The following CMSS1 variants were observed in gnomAD, a reference collection of about 807,000 sequenced individuals.
CMSS1 encodes cms1 ribosomal small subunit homolog.
A neutral mutation model predicts 43.5 loss-of-function variants in CMSS1; 33 were observed. The ratio of observed to expected loss-of-function variants is 0.76; its 90% CI spans 0.57 to 1.01. The LOEUF is 1.01. CMSS1 is among the 50% of genes least tolerant of loss of function. The pLI is 0.00. For synonymous variants in CMSS1, 115 were observed against 117.2 expected (o/e 0.98, Z 0.12); for missense variants, 313 against 326.4 (o/e 0.96, Z 0.32).
At chr3:99,924,530 T>C (rs1411105886) in intron 1 of CMSS1, 2 of 1,043,500 alleles carry the variant, frequency 1.9e-6, no homozygotes, top group Admixed American at 2.3e-5. Context: ...TTTTGTTTGT[T>C]TGTTTTGAAA....
intron 1 of CMSS1, among the ~76,000 whole-genome samples, chr3:99,912,099 G>A (rs1411032702): frequency 6.6e-6 from 1 of 152,032 alleles, no homozygotes; most frequent in South Asian, 2.1e-4. Flanking sequence ...TATCTATCTT[G>A]TTGGTCATTT....
chr3:99,866,419 A>G (rs192952002), intron 1 of CMSS1, among the ~76,000 whole-genome samples: 51 of 150,002 alleles, frequency 3.4e-4, no homozygotes, highest in African/African-American at 1.3e-3. Context: ...TAGAAACCAC[A>G]ACAACAGATG....
chr3:100,078,998 G>A (rs1576029742), intron 1 of CMSS1, among the ~76,000 whole-genome samples: 1 of 152,186 alleles, frequency 6.6e-6, no homozygotes, highest in Non-Finnish European at 1.5e-5. Context: ...TGTGGCCCAC[G>A]TTGGACAAGC....
intron 1 of CMSS1, among the ~76,000 whole-genome samples, chr3:99,952,348 C>G (rs1225319246): frequency 6.6e-6 from 1 of 152,128 alleles, no homozygotes; most frequent in Non-Finnish European, 1.5e-5. Context: ...CTATACAATT[C>G]AAACATTTTC....
Position 99,824,595 on chromosome 3 carries a change from G to C in CMSS1, c.64+6552G>C, listed in dbSNP as rs182449383. 2.0e-5 allele frequency among the ~76,000 whole-genome samples: 3 copies of C among 152,286 alleles called. No homozygotes were observed. In the East Asian group the frequency reaches 5.8e-4, roughly 29 times the overall value. ...GTCACACCTTGAAGACCTCAACCTA[G>C]GAGATCTTTATCAAAAGAACCTTGA... On this transcript the variant is annotated intron_variant, in intron 1 of 9. Coordinates refer to ENST00000421999, the MANE Select transcript of CMSS1 (RefSeq NM_032359.4).
intron 1 of CMSS1, among the ~76,000 whole-genome samples, chr3:100,014,273 G>A (rs1019435839): frequency 6.6e-6 from 1 of 151,714 alleles, no homozygotes; most frequent in African/African-American, 2.4e-5. Context: ...TCCACATCTT[G>A]ACTGTTATGA....
intron 1 of CMSS1, among the ~76,000 whole-genome samples, chr3:99,896,261 A>G (rs1200290145): frequency 6.6e-6 from 1 of 152,226 alleles, no homozygotes; most frequent in African/African-American, 2.4e-5. Flanking sequence ...GAAACAGTGA[A>G]TGGAAACTAT....
intron 1 of CMSS1, among the ~76,000 whole-genome samples, chr3:100,015,132 C>T (rs1359239358): frequency 1.3e-5 from 2 of 151,610 alleles, no homozygotes; most frequent in Non-Finnish European, 2.9e-5. Context: ...TTTCCCTGCA[C>T]CATTTGTTAA....
chr3:100,033,385 G>A (rs370399116), intron 1 of CMSS1, among the ~76,000 whole-genome samples: 1 of 152,188 alleles, frequency 6.6e-6, no homozygotes, highest in Non-Finnish European at 1.5e-5. Flanking sequence ...AGCTCTGGAA[G>A]GCTTCCATCA....
intron 1 of CMSS1, among the ~76,000 whole-genome samples, chr3:99,881,104 C>A (rs1705711361): frequency 6.6e-6 from 1 of 152,102 alleles, no homozygotes; most frequent in South Asian, 2.1e-4. Flanking sequence ...AATAAGGAAT[C>A]ATCTGTTGGT....
At chr3:99,864,512 C>T (rs1297203577) in intron 1 of CMSS1, among the ~76,000 whole-genome samples, 1 of 152,164 alleles carries the variant, frequency 6.6e-6, no homozygotes, top group Non-Finnish European at 1.5e-5. Flanking sequence ...AATTCACTGG[C>T]TGCGAAGTCT....
chr3:99,995,172 T>C (rs1709640083), intron 1 of CMSS1, among the ~76,000 whole-genome samples: 1 of 152,202 alleles, frequency 6.6e-6, no homozygotes, highest in Non-Finnish European at 1.5e-5. Context: ...ACTTCCTAGA[T>C]ACAATGTGGG....
At chr3:99,948,380 GA>G (rs1034708807) in intron 1 of CMSS1, among the ~76,000 whole-genome samples, 5 of 151,278 alleles carry the variant, frequency 3.3e-5, no homozygotes, top group Non-Finnish European at 5.9e-5. Context: ...AAATAAGAAA[GA>G]AAAAAAATTA....
chr3:100,155,593 C>T (rs992910633), intron 2 of CMSS1, among the ~76,000 whole-genome samples: 1 of 152,132 alleles, frequency 6.6e-6, no homozygotes, highest in African/African-American at 2.4e-5. Context: ...CCTTCAGCAC[C>T]CTCCTGGGCT....
At chr3:99,962,434 ATTATC>A (rs1293209746) in intron 1 of CMSS1, among the ~76,000 whole-genome samples, 11 of 152,124 alleles carry the variant, frequency 7.2e-5, no homozygotes, top group Admixed American at 2.6e-4. Flanking sequence ...TATTTTGTAT[ATTATC>A]TTTTGTTGTT....
intron 1 of CMSS1, chr3:99,930,098 G>A: frequency 1.5e-6 from 2 of 1,312,940 alleles, no homozygotes; most frequent in South Asian, 3.0e-5. Flanking sequence ...TGATTTTTGT[G>A]ATAGTTGGCA....
At chr3:99,825,167 A>G (rs1255103495) in intron 1 of CMSS1, among the ~76,000 whole-genome samples, 15 of 152,230 alleles carry the variant, frequency 9.9e-5, no homozygotes, top group Non-Finnish European at 5.9e-5. Flanking sequence ...GGAGATGTTA[A>G]TAACACACAA....
chr3:99,924,682 C>T (rs1707234977), intron 1 of CMSS1, among the ~76,000 whole-genome samples: 1 of 152,148 alleles, frequency 6.6e-6, no homozygotes, highest in South Asian at 2.1e-4. Context: ...CCATGCCCAA[C>T]TAATTTTTTT....
intron 1 of CMSS1, among the ~76,000 whole-genome samples, chr3:100,000,149 G>A (rs1223806009): frequency 6.6e-6 from 1 of 152,094 alleles, no homozygotes; most frequent in Non-Finnish European, 1.5e-5. Context: ...TTTACAATTA[G>A]CCTGGAATTT....
Sources: allele counts gnomAD v4.1 joint callset (sites outside exome capture counted in the v4.1 genomes callset), GRCh38; gene constraint gnomAD v4.1.1; transcripts MANE v1.5; gene names NCBI Gene and HGNC (gene_info 2026-07-23, HGNC 2026-07-21).